Variants in DLGAP2 observed in about 807,000 individuals in gnomAD.
The protein encoded by DLGAP2 is disks large-associated protein 2.
A neutral mutation model predicts 100.3 loss-of-function variants in DLGAP2; 26 were observed. That is an observed-to-expected ratio of 0.26 (90% CI 0.19 to 0.36). The LOEUF (loss-of-function observed/expected upper bound fraction) is 0.36. DLGAP2 is among the 10% of genes least tolerant of loss of function. The pLI is 1.00. For missense variants in DLGAP2, 1,858 were observed against 1,453.2 expected (o/e 1.28, Z -4.53); for synonymous variants, 886 against 630.1 (o/e 1.41, Z -6.08).
At chr8:1,536,461 A>G (rs949466274) in intron 4 of DLGAP2, among the ~76,000 whole-genome samples, 2 of 152,172 alleles carry the variant, frequency 1.3e-5, no homozygotes, top group Admixed American at 1.3e-4. Context: ...GTGCATTAAA[A>G]TTCTGAATTT....
chr8:1,170,008 T>C (rs867258473), intron 2 of DLGAP2, among the ~76,000 whole-genome samples: 23 of 151,860 alleles, frequency 1.5e-4, no homozygotes, highest in African/African-American at 4.6e-4. Context: ...AGTATGATAT[T>C]GGCTGTGGGT....
intron 2 of DLGAP2, among the ~76,000 whole-genome samples, chr8:985,879 C>G (rs1800471972): frequency 6.6e-6 from 1 of 152,042 alleles, no homozygotes; most frequent in Admixed American, 6.6e-5. Context: ...CCTGACAAAC[C>G]CCCTGTTTCA....
intron 2 of DLGAP2, among the ~76,000 whole-genome samples, chr8:1,200,657 C>G (rs773267953): frequency 6.6e-6 from 1 of 152,212 alleles, no homozygotes; most frequent in Non-Finnish European, 1.5e-5. Context: ...GTTGGTTTGA[C>G]AAAGCCTCAG....
rs3052055 is a variant in DLGAP2, at chr8:1,433,738, C to CTTTTTTTT, written c.107-67617_107-67610dup. 2.4e-4 allele frequency among the ~76,000 whole-genome samples: 30 copies of CTTTTTTTT among 124,196 alleles called. 2 individuals carry two copies. The highest frequency in any genetic ancestry group is 2.9e-4 in the Non-Finnish European group (18 of 61,986). The allele number at this position is 124,196 out of a possible 152,430, so 81.5% of individuals were successfully genotyped here. Reference sequence around the variant, plus strand: ...AAATACACAGATGAGGCAAAACTGGCTTTTTTTTTTTTTTTTTTGCTAGGA... The same window carrying CTTTTTTTT: ...AAATACACAGATGAGGCAAAACTGGCTTTTTTTTTTTTTTTTTTTTTTTTTTGCTAGGA... On this transcript the variant is annotated intron_variant, in intron 3 of 14. Coordinates refer to ENST00000637795, the MANE Select transcript of DLGAP2 (RefSeq NM_001346810.2).
intron 2 of DLGAP2, among the ~76,000 whole-genome samples, chr8:1,112,237 A>ATTTTTTTTTT (rs4044488): frequency 5.1e-5 from 5 of 98,030 alleles, no homozygotes; most frequent in Non-Finnish European, 9.4e-5. Context: ...TCCTTTGCCC[A>ATTTTTTTTTT]TTTTTTTTTT....
intron 3 of DLGAP2, among the ~76,000 whole-genome samples, chr8:1,290,707 A>G (rs993324149): frequency 2.0e-5 from 3 of 152,180 alleles, no homozygotes; most frequent in Admixed American, 6.5e-5. Flanking sequence ...TTTTTAGACT[A>G]TGTATACATT....
intron 2 of DLGAP2, among the ~76,000 whole-genome samples, chr8:1,043,604 G>A (rs1000783676): frequency 6.6e-6 from 1 of 151,998 alleles, no homozygotes; most frequent in South Asian, 2.1e-4. Flanking sequence ...CGAAAACTAG[G>A]AGGACTGCAG....
At chr8:842,510 A>G (rs1797001330) in intron 1 of DLGAP2, among the ~76,000 whole-genome samples, 1 of 152,178 alleles carries the variant, frequency 6.6e-6, no homozygotes, top group Non-Finnish European at 1.5e-5. Context: ...CAGTAACGGT[A>G]TTATTATGTG....
At chr8:1,640,493 CCCAGCCGCT>C (rs1797872169) in intron 8 of DLGAP2, among the ~76,000 whole-genome samples, 6 of 152,202 alleles carry the variant, frequency 3.9e-5, no homozygotes, top group Non-Finnish European at 8.8e-5. Flanking sequence ...TGAACGTCTT[CCCAGCCGCT>C]CAGGATGTCT....
chr8:1,209,485 C>G (rs1798061073), intron 2 of DLGAP2, among the ~76,000 whole-genome samples: 1 of 152,178 alleles, frequency 6.6e-6, no homozygotes, highest in South Asian at 2.1e-4. Flanking sequence ...TGGTGGGCAT[C>G]AGCTGTTCTG....
intron 3 of DLGAP2, among the ~76,000 whole-genome samples, chr8:1,264,411 C>T (rs914271835): frequency 2.0e-5 from 3 of 152,092 alleles, no homozygotes; most frequent in Non-Finnish European, 4.4e-5. Context: ...GAAAAACATG[C>T]CTGAGAAAGT....
chr8:1,477,145 A>T (rs1798957761), intron 3 of DLGAP2, among the ~76,000 whole-genome samples: 1 of 151,792 alleles, frequency 6.6e-6, no homozygotes, highest in African/African-American at 2.4e-5. Context: ...ACCTGCTGGG[A>T]ATGTCACCAG....
intron 3 of DLGAP2, among the ~76,000 whole-genome samples, chr8:1,287,528 A>AGT (rs72312295): frequency 0.32 from 21,256 of 66,918 alleles, 4,108 homozygotes; most frequent in African/African-American, 0.56. Context: ...GTTTTGGTTC[A>AGT]GTGTGTGTGT....
chr8:1,684,676 A>G (rs1282283132), intron 12 of DLGAP2, among the ~76,000 whole-genome samples: 1 of 152,148 alleles, frequency 6.6e-6, no homozygotes, highest in East Asian at 1.9e-4. Context: ...CAGGCTGCCT[A>G]TTGTTAATAA....
At chr8:1,356,023 A>C (rs1397082978) in intron 3 of DLGAP2, among the ~76,000 whole-genome samples, 2 of 152,094 alleles carry the variant, frequency 1.3e-5, no homozygotes, top group Non-Finnish European at 1.5e-5. Context: ...CCTGCCTTGC[A>C]TGATCGGGGC....
At chr8:1,066,723 G>A (rs1323136131) in intron 2 of DLGAP2, among the ~76,000 whole-genome samples, 2 of 152,212 alleles carry the variant, frequency 1.3e-5, no homozygotes, top group Non-Finnish European at 2.9e-5. Flanking sequence ...GCTCCACCAC[G>A]ACTGGCCTGT....
At position 779,081 on chromosome 8, in the gene DLGAP2, C is replaced by T. The variant is rs999419257; in HGVS notation, c.18+41256C>T. On this transcript the variant is annotated intron_variant, in intron 1 of 14. Coordinates refer to ENST00000637795, the MANE Select transcript of DLGAP2 (RefSeq NM_001346810.2). ...AAGCCCGTCAGAAAAGCGCAGTATG[C>T]GGGTGGGAGTGACCCGATTTTCCAG... Among the ~76,000 whole-genome samples the T allele has an allele frequency of 7.2e-5, 11 of 152,342 alleles. No individual in the cohort carries two copies. In the East Asian group the frequency reaches 7.7e-4, roughly 11 times the overall value.
intron 10 of DLGAP2, among the ~76,000 whole-genome samples, chr8:1,673,198 G>A (rs893813759): frequency 2.6e-5 from 4 of 152,202 alleles, no homozygotes; most frequent in East Asian, 1.9e-4. Flanking sequence ...CCTCAAACTC[G>A]TGGGCTCAAG....
In DLGAP2 at chr8:1,437,297, G is replaced by A. The variant is rs374092717; in HGVS notation, c.107-64069G>A. Reference sequence around the variant, plus strand: ...CCGTTCAGCCCAGGCATGCAGGCGCGAAGCCATGCGGGTTTGTATCAGTGC... The same window carrying A: ...CCGTTCAGCCCAGGCATGCAGGCGCAAAGCCATGCGGGTTTGTATCAGTGC... On this transcript the variant is annotated intron_variant, in intron 3 of 14. Transcript: ENST00000637795. Among the ~76,000 whole-genome samples, 4 of 152,392 alleles carry A rather than the reference G, an allele frequency of 2.6e-5. No individual in the cohort carries two copies. In the South Asian group the frequency reaches 6.2e-4, roughly 24 times the overall value.
Sources: gnomAD v4.1 joint callset for allele counts (sites outside exome capture counted in the v4.1 genomes callset) on GRCh38, gnomAD v4.1.1 for gene constraint, MANE v1.5 for transcripts, NCBI Gene and HGNC (gene_info 2026-07-23, HGNC 2026-07-21) for gene names.